The following MSR1 variants were observed in gnomAD, a reference collection of about 807,000 sequenced individuals.
MSR1 encodes macrophage scavenger receptor types I and II.
Under a neutral mutation model 47.2 loss-of-function variants are expected in MSR1, and 53 were observed. That is an observed-to-expected ratio of 1.12 (90% confidence interval 0.90 to 1.41). MSR1 has a LOEUF of 1.41. Among genes scored for constraint, MSR1 ranks in the 40% most tolerant of loss-of-function variants. The pLI is 0.00. For missense variants in MSR1, 786 were observed against 546.9 expected (o/e 1.44, Z -4.36); for synonymous variants, 239 against 185.6 (o/e 1.29, Z -2.34).
At chr8:16,186,264 C>A (rs975509366) in intron 1 of MSR1, 1 of 1,434,722 alleles carries the variant, frequency 7.0e-7, no homozygotes, top group African/African-American at 1.4e-5. Flanking sequence ...AACGTCTCAA[C>A]AGCAGAGTGA....
At chr8:16,166,323 A>AT (rs1801308572) in intron 4 of MSR1, among the ~76,000 whole-genome samples, 1 of 115,922 alleles carries the variant, frequency 8.6e-6, no homozygotes, top group African/African-American at 2.8e-5. Context: ...ACACCTGACT[A>AT]ATTTTTTTTT....
At chr8:16,187,364 C>CAAAAAAAAAAAAAAAAAAA (rs751848634) in intron 1 of MSR1, among the ~76,000 whole-genome samples, 1 of 35,416 alleles carries the variant, frequency 2.8e-5, no homozygotes, top group African/African-American at 1.2e-4. Flanking sequence ...ACTCTGTCTC[C>CAAAAAAAAAAAAAAAAAAA]AAAAAAAAAA....
chr8:16,159,622 G>C (rs1801107390), intron 5 of MSR1, among the ~76,000 whole-genome samples: 1 of 152,056 alleles, frequency 6.6e-6, no homozygotes, highest in African/African-American at 2.4e-5. Flanking sequence ...TTAATTAATA[G>C]ATATTTTATG....
At chr8:16,128,648 T>C (rs1477769118) in intron 8 of MSR1, among the ~76,000 whole-genome samples, 1 of 152,174 alleles carries the variant, frequency 6.6e-6, no homozygotes, top group Non-Finnish European at 1.5e-5. Flanking sequence ...TGTTTTTACT[T>C]GCAAACGAGA....
chr8:16,108,807 G>C lies in MSR1; in HGVS notation c.*1278C>G, dbSNP rs1357499383. Reference sequence around the variant, plus strand: ...GTCTACCACTTGGTTATTATGTGTGGTGAGACTTCAGAATATGAAAAAATG... The same window carrying C: ...GTCTACCACTTGGTTATTATGTGTGCTGAGACTTCAGAATATGAAAAAATG... On this transcript the variant is annotated 3_prime_UTR_variant, in exon 10 of 10. Transcript: ENST00000262101. 1 of 152,066 alleles carries C rather than the reference G, an allele frequency of 6.6e-6. No individual in the cohort carries two copies. The highest frequency in any genetic ancestry group is 6.6e-5 in the Admixed American group (1 of 15,250). The allele number at this position is 152,066 out of a possible 1,614,324, so 9.4% of individuals were successfully genotyped here.
chr8:16,150,138 GTGTATA>G (rs1315188943), intron 7 of MSR1, 87 bp downstream of exon 7: 186 of 177,336 alleles, frequency 1.0e-3, no homozygotes, highest in Admixed American at 4.9e-3. Context: ...ATGTGTGTGT[GTGTATA>G]TATATATATA....
intron 3 of MSR1, among the ~76,000 whole-genome samples, chr8:16,174,545 G>A (rs973130539): frequency 2.0e-5 from 3 of 152,010 alleles, no homozygotes; most frequent in Non-Finnish European, 4.4e-5. Context: ...TATACCTCAG[G>A]AACATCATTT....
chr8:16,152,683 G>C (rs1237803911), intron 6 of MSR1, among the ~76,000 whole-genome samples: 2 of 152,024 alleles, frequency 1.3e-5, no homozygotes, highest in African/African-American at 4.8e-5. Context: ...GTTTCCTTTA[G>C]AAAAGAAAGT....
At chr8:16,125,794 T>G (rs1800115303) in intron 8 of MSR1, among the ~76,000 whole-genome samples, 1 of 152,040 alleles carries the variant, frequency 6.6e-6, no homozygotes, top group Non-Finnish European at 1.5e-5. Flanking sequence ...AGAGATAAGG[T>G]GTCCCTGTGT....
At chr8:16,127,218 G>A (rs975142792) in intron 8 of MSR1, among the ~76,000 whole-genome samples, 56 of 152,062 alleles carry the variant, frequency 3.7e-4, no homozygotes, top group African/African-American at 1.2e-3. Context: ...TCATGTCCAG[G>A]CATCTTTATA....
chr8:16,175,468 A>G (rs1181903890), intron 2 of MSR1, among the ~76,000 whole-genome samples, 168 bp from the exon 3 acceptor site: 1 of 152,214 alleles, frequency 6.6e-6, no homozygotes, highest in Non-Finnish European at 1.5e-5. Context: ...AGTCACAGGA[A>G]AAGCCAATCC....
intron 5 of MSR1, among the ~76,000 whole-genome samples, chr8:16,163,751 G>A (rs1309780737): frequency 1.3e-5 from 2 of 151,704 alleles, no homozygotes; most frequent in Non-Finnish European, 3.0e-5. Flanking sequence ...AGCTTGGTTT[G>A]TGAACATGTG....
Position 16,120,765 on chromosome 8 carries a change from C to T in MSR1, c.1034-159G>A, listed in dbSNP as rs1031483571. Reference sequence around the variant, plus strand: ...GAATAAATATTAAACTTTCTAGCACCACCTATTGGTAAAGAGTTTAACTGC... The same window carrying T: ...GAATAAATATTAAACTTTCTAGCACTACCTATTGGTAAAGAGTTTAACTGC... On this transcript the variant is annotated intron_variant, in intron 8 of 9. Transcript: ENST00000262101. 11 of 922,446 alleles carry T rather than the reference C, an allele frequency of 1.2e-5. No individual in the cohort carries two copies. The African/African-American group carries it at 1.3e-4, about 11-fold the overall frequency. The allele number at this position is 922,446 out of a possible 1,614,324, so 57.1% of individuals were successfully genotyped here.
chr8:16,130,760 T>G (rs895435472), intron 8 of MSR1, among the ~76,000 whole-genome samples: 2 of 151,964 alleles, frequency 1.3e-5, no homozygotes, highest in Non-Finnish European at 2.9e-5. Context: ...TGTGTGTGTT[T>G]GTAAGGATAA....
In MSR1 at chr8:16,155,044, A is replaced by C. The variant is rs1351702031; in HGVS notation, c.898+20T>G. The C allele has an allele frequency of 1.9e-6, 3 of 1,594,794 alleles. No individual in the cohort carries two copies. The highest frequency in any genetic ancestry group is 2.7e-5 in the African/African-American group (2 of 74,468). The stretch of plus-strand genomic sequence containing the variant: ...CATCTATCTTCACAGTATATGATTA[A>C]ATAGCTAAAATTACCATACCTATTG... On this transcript the variant is annotated intron_variant, in intron 6 of 9. Coordinates refer to ENST00000262101, the MANE Select transcript of MSR1 (RefSeq NM_138715.3).
At chr8:16,117,813 C>A (rs1189143557) in intron 9 of MSR1, among the ~76,000 whole-genome samples, 2 of 152,044 alleles carry the variant, frequency 1.3e-5, no homozygotes. Context: ...TGAGAGCTCC[C>A]ACTGATTCCA....
chr8:16,119,296 G>A (rs1027275454), intron 9 of MSR1, among the ~76,000 whole-genome samples: 1 of 152,048 alleles, frequency 6.6e-6, no homozygotes, highest in Non-Finnish European at 1.5e-5. Flanking sequence ...GTGCAGCTCG[G>A]CTCACTGCAA....
chr8:16,183,026 G>A (rs1308670378), intron 1 of MSR1, among the ~76,000 whole-genome samples: 1 of 152,048 alleles, frequency 6.6e-6, no homozygotes, highest in Non-Finnish European at 1.5e-5. Flanking sequence ...ACAGCTATGA[G>A]GTCAATAGGT....
At chr8:16,146,244 C>T (rs907658645) in intron 7 of MSR1, among the ~76,000 whole-genome samples, 46 of 152,036 alleles carry the variant, frequency 3.0e-4, no homozygotes, top group African/African-American at 1.1e-3. Flanking sequence ...TCCCTGAATT[C>T]CTCACCTTAT....
Sources: gnomAD v4.1 joint callset for allele counts (sites outside exome capture counted in the v4.1 genomes callset) on GRCh38, gnomAD v4.1.1 for gene constraint, MANE v1.5 for transcripts, NCBI Gene and HGNC (gene_info 2026-07-23, HGNC 2026-07-21) for gene names.